Variants in SAMMSON observed in about 807,000 individuals in gnomAD.
SAMMSON encodes the protein long intergenic non-protein coding RNA 1212.
At chr3:70,220,130 A>T (rs1701448914) in intron 4 of SAMMSON, among the ~76,000 whole-genome samples, 1 of 152,200 alleles carries the variant, frequency 6.6e-6, no homozygotes, top group South Asian at 2.1e-4. Flanking sequence ...TACAAAACTA[A>T]GCATCAGAAA....
chr3:70,184,423 C>A (rs959018420), intron 4 of SAMMSON, among the ~76,000 whole-genome samples: 3 of 152,152 alleles, frequency 2.0e-5, no homozygotes, highest in African/African-American at 4.8e-5. Flanking sequence ...TTCCAAACAA[C>A]CTTCGGAAAA....
intron 4 of SAMMSON, chr3:70,183,969 T>C (rs1309170130): frequency 6.6e-6 from 1 of 152,228 alleles, no homozygotes; most frequent in Non-Finnish European, 1.5e-5. Flanking sequence ...TTGGATGTCA[T>C]GTTGAAAAGA....
At chr3:70,016,862 G>T (rs1254813434) in intron 3 of SAMMSON, among the ~76,000 whole-genome samples, 3 of 152,184 alleles carry the variant, frequency 2.0e-5, no homozygotes, top group African/African-American at 7.2e-5. Flanking sequence ...CCCATTTCTT[G>T]TTTTTGTCAG....
chr3:70,148,929 G>A (rs140375594), intron 4 of SAMMSON, among the ~76,000 whole-genome samples: 28 of 152,168 alleles, frequency 1.8e-4, no homozygotes, highest in African/African-American at 5.5e-4. Flanking sequence ...CTGAGATTTG[G>A]TGAAATACCA....
At chr3:70,366,492 G>GTTTTTTT in intron 9 of SAMMSON, among the ~76,000 whole-genome samples, 8 of 100,756 alleles carry the variant, frequency 7.9e-5, no homozygotes, top group Admixed American at 4.4e-4. Context: ...GTGTTTTTAT[G>GTTTTTTT]TTTTTTTTTT....
intron 9 of SAMMSON, among the ~76,000 whole-genome samples, chr3:70,362,540 T>C (rs1702880709): frequency 6.6e-6 from 1 of 151,896 alleles, no homozygotes; most frequent in South Asian, 2.1e-4. Context: ...AAACATTTCA[T>C]GGAATACTAA....
intron 4 of SAMMSON, among the ~76,000 whole-genome samples, chr3:70,160,404 G>T (rs1161109153): frequency 6.7e-6 from 1 of 149,076 alleles, no homozygotes; most frequent in Non-Finnish European, 1.5e-5. Flanking sequence ...TTTTTTGCAG[G>T]CAATAGCTTA....
intron 4 of SAMMSON, among the ~76,000 whole-genome samples, chr3:70,118,064 C>A (rs2067418520): frequency 6.6e-6 from 1 of 151,988 alleles, no homozygotes; most frequent in South Asian, 2.1e-4. Flanking sequence ...ATTACAGGCA[C>A]CCCACCACCA....
intron 9 of SAMMSON, among the ~76,000 whole-genome samples, chr3:70,382,247 A>G (rs868246199): frequency 6.6e-6 from 1 of 152,264 alleles, no homozygotes; most frequent in Middle Eastern, 3.4e-3. Flanking sequence ...ATTTGAATAC[A>G]TATATTTCTT....
At chr3:70,048,689 A>G (rs1324839178) in intron 3 of SAMMSON, among the ~76,000 whole-genome samples, 1 of 152,124 alleles carries the variant, frequency 6.6e-6, no homozygotes, top group African/African-American at 2.4e-5. Context: ...TTATTACAAT[A>G]CTTACCTTTA....
At chr3:70,157,374 G>A (rs2067596218) in intron 4 of SAMMSON, among the ~76,000 whole-genome samples, 3 of 152,248 alleles carry the variant, frequency 2.0e-5, no homozygotes, top group East Asian at 1.9e-4. Context: ...GCAAGGGGGA[G>A]TGTGGTAGCA....
In SAMMSON at chr3:70,248,879, C is replaced by T. The variant is rs150216521; in HGVS notation, n.508-228C>T. Among the ~76,000 whole-genome samples the T allele has an allele frequency of 5.9e-5, 9 of 152,264 alleles. No homozygotes were observed. In the East Asian group the frequency reaches 1.7e-3, roughly 29 times the overall value. On this transcript the variant is annotated intron_variant and non_coding_transcript_variant, in intron 4 of 9. Transcript: ENST00000642114. ...ATTGAAAGGAAATCAATTGAAAGGA[C>T]TCACTGGATGGTAAATCTACTTACC...
In SAMMSON at chr3:70,190,932, C is replaced by G. The variant is rs183701377; in HGVS notation, n.508-58175C>G. On this transcript the variant is annotated intron_variant and non_coding_transcript_variant, in intron 4 of 9. Coordinates refer to ENST00000642114, the Ensembl canonical transcript of SAMMSON. ...AGTAGTGACAGTGGGACCATCCTGGCCTCTTGCCTTCATCCCTGATTTCAG... is the reference window on the plus strand; with the variant it reads ...AGTAGTGACAGTGGGACCATCCTGGGCTCTTGCCTTCATCCCTGATTTCAG... Among the ~76,000 whole-genome samples the G allele has an allele frequency of 2.5e-3, 388 of 152,294 alleles. 1 individual carries two copies. The highest frequency in any genetic ancestry group is 4.5e-3 in the Non-Finnish European group (304 of 68,026).
chr3:70,073,615 C>T (rs866692080), intron 4 of SAMMSON, among the ~76,000 whole-genome samples: 45 of 151,760 alleles, frequency 3.0e-4, no homozygotes, highest in African/African-American at 1.0e-3. Context: ...TCCTCTTCAC[C>T]GTCTCTTTTC....
chr3:70,056,667 CT>C (rs1175397114), intron 3 of SAMMSON, among the ~76,000 whole-genome samples: 1 of 151,854 alleles, frequency 6.6e-6, no homozygotes, highest in African/African-American at 2.4e-5. Context: ...CATAGTGTAT[CT>C]ATTAAAATGT....
At chr3:70,387,977 G>C (rs1361580968) in intron 9 of SAMMSON, among the ~76,000 whole-genome samples, 1 of 151,568 alleles carries the variant, frequency 6.6e-6, no homozygotes, top group Non-Finnish European at 1.5e-5. Context: ...TATTTTTTTT[G>C]GTTTGTTTTG....
At chr3:70,055,597 A>G (rs917420705) in intron 3 of SAMMSON, among the ~76,000 whole-genome samples, 2 of 152,078 alleles carry the variant, frequency 1.3e-5, no homozygotes, top group Admixed American at 6.5e-5. Context: ...CTCCTTATAT[A>G]AAAGTTCTCA....
At chr3:70,236,049 C>T (rs536164144) in intron 4 of SAMMSON, among the ~76,000 whole-genome samples, 1 of 152,078 alleles carries the variant, frequency 6.6e-6, no homozygotes, top group Admixed American at 6.5e-5. Context: ...TTCTACTTCT[C>T]TTAATGAATA....
rs1177146234 is a variant in SAMMSON at position 70,366,120 on chromosome 3, A to G, written n.913+7796A>G. ...ATTCTCCTGCCTCAGCCTCCCGAGT[A>G]GCTGGGACTACAGGCGCCCGCCACC... On this transcript the variant is annotated intron_variant and non_coding_transcript_variant, in intron 9 of 9. Coordinates refer to ENST00000642114, the Ensembl canonical transcript of SAMMSON. Among the ~76,000 whole-genome samples, 2 of 76,366 alleles carry G rather than the reference A, an allele frequency of 2.6e-5. 1 individual carries two copies. The highest frequency in any genetic ancestry group is 5.7e-5 in the Non-Finnish European group (2 of 35,284). 50.1% of individuals were successfully genotyped at this position (76,366 alleles called of 152,430 possible).
Sources: gnomAD v4.1 joint callset for allele counts (sites outside exome capture counted in the v4.1 genomes callset) on GRCh38, gnomAD v4.1.1 for gene constraint, MANE v1.5 for transcripts, NCBI Gene and HGNC (gene_info 2026-07-23, HGNC 2026-07-21) for gene names.